The following COL23A1 variants were observed in gnomAD, a reference collection of about 807,000 sequenced individuals.
COL23A1 encodes the protein collagen type XXIII alpha 1 chain.
A neutral mutation model predicts 99.3 loss-of-function variants in COL23A1; 97 were observed. The ratio of observed to expected loss-of-function variants is 0.98; its 90% confidence interval spans 0.83 to 1.16. COL23A1 has a LOEUF of 1.16. Ranked by LOEUF, COL23A1 falls within the 50% of genes most tolerant of loss-of-function variation. COL23A1 has a pLI of 0.00. For missense variants in COL23A1, 762 were observed against 757.4 expected (o/e 1.01, Z -0.07); for synonymous variants, 320 against 308.2 (o/e 1.04, Z -0.40).
chr5:178,357,074 G>A (rs1011695101), intron 2 of COL23A1, among the ~76,000 whole-genome samples: 32 of 152,228 alleles, frequency 2.1e-4, no homozygotes, highest in Non-Finnish European at 4.3e-4. Context: ...AAAATGAACG[G>A]AGCTAAAGAT....
At chr5:178,297,122 C>T (rs991604605) in intron 3 of COL23A1, among the ~76,000 whole-genome samples, 2 of 152,246 alleles carry the variant, frequency 1.3e-5, no homozygotes, top group Admixed American at 1.3e-4. Flanking sequence ...CTGCCAGCTC[C>T]CTTCAGCCTT....
chr5:178,367,845 C>T (rs1762573724), intron 2 of COL23A1, among the ~76,000 whole-genome samples: 2 of 152,242 alleles, frequency 1.3e-5, no homozygotes, highest in Admixed American at 1.3e-4. Flanking sequence ...GTACGGGCTG[C>T]CACCCTTCAG....
At position 178,313,203 on chromosome 5, in the gene COL23A1, G is replaced by A. The variant is rs961196202; in HGVS notation, c.362-6284C>T. On this transcript the variant is annotated intron_variant, in intron 2 of 28. Transcript: ENST00000390654. This position sits in a 1 kb window ranked among gnomAD's most constrained non-coding sequence, Gnocchi z 4.2. Reference sequence around the variant, plus strand: ...ATCGGTGGGCTGGGCTAGGGGAGGCGAGACTGGGAAGTCGGTGGGCCCAGA... The same window carrying A: ...ATCGGTGGGCTGGGCTAGGGGAGGCAAGACTGGGAAGTCGGTGGGCCCAGA... Among the ~76,000 whole-genome samples the A allele has an allele frequency of 5.9e-5, 9 of 152,148 alleles. No homozygotes were observed. Among genetic ancestry groups the A allele is most frequent in the African/African-American group, 2.2e-4 (9 of 41,436 alleles).
chr5:178,518,895 C>T (rs1759774925), intron 2 of COL23A1, among the ~76,000 whole-genome samples: 1 of 149,098 alleles, frequency 6.7e-6, no homozygotes. Flanking sequence ...GACAGCTCCG[C>T]TGCCCGCTGA....
intron 2 of COL23A1, among the ~76,000 whole-genome samples, chr5:178,505,892 A>G (rs1758841275): frequency 6.6e-6 from 1 of 152,112 alleles, no homozygotes; most frequent in Non-Finnish European, 1.5e-5. Context: ...GTGAGGGTGC[A>G]AACACCTTCT....
chr5:178,408,343 A>G (rs538175685), intron 2 of COL23A1, among the ~76,000 whole-genome samples: 1 of 152,340 alleles, frequency 6.6e-6, no homozygotes, highest in South Asian at 2.1e-4. Context: ...ACTGGAAGGA[A>G]ATAATTAAAG....
intron 2 of COL23A1, among the ~76,000 whole-genome samples, chr5:178,372,678 C>A (rs1459367077): frequency 2.0e-5 from 3 of 151,914 alleles, no homozygotes; most frequent in Non-Finnish European, 2.9e-5. Flanking sequence ...CCTCAAGCCA[C>A]CCTCCCGTCT....
rs191988735 is a variant in COL23A1 at position 178,403,387 on chromosome 5, G to A, written c.362-96468C>T. Among the ~76,000 whole-genome samples the A allele has an allele frequency of 2.9e-3, 448 of 152,280 alleles. 2 individuals carry two copies. Among genetic ancestry groups the A allele is most frequent in the Middle Eastern group, 6.8e-3 (2 of 294 alleles). ...CACCTCATGCCTCCCTCAATATGGC[G>A]CTAAAATGCTACTTGCCCTTCCTTC... On this transcript the variant is annotated intron_variant, in intron 2 of 28. Transcript: ENST00000390654.
chr5:178,484,976 T>C (rs1388056666), intron 2 of COL23A1, among the ~76,000 whole-genome samples: 1 of 152,136 alleles, frequency 6.6e-6, no homozygotes, highest in African/African-American at 2.4e-5. Context: ...CCTAGCAAAG[T>C]GGGCATCCAA....
In COL23A1 at chr5:178,286,412, C is replaced by T. The variant is rs1481506142; in HGVS notation, c.441+1912G>A. Among the ~76,000 whole-genome samples, 2 of 152,184 alleles carry T rather than the reference C, an allele frequency of 1.3e-5. 1 individual carries two copies. The highest frequency in any genetic ancestry group is 4.8e-5 in the African/African-American group (2 of 41,450). ...TCTCCGTTCCCAGCCCCGACAGTCA[C>T]AGCGCCCCTTCTCCAGGCCAGGCCC... On this transcript the variant is annotated intron_variant, in intron 5 of 28. Coordinates refer to ENST00000390654, the MANE Select transcript of COL23A1 (RefSeq NM_173465.4).
At chr5:178,381,390 G>C (rs1377846357) in intron 2 of COL23A1, among the ~76,000 whole-genome samples, 1 of 152,228 alleles carries the variant, frequency 6.6e-6, no homozygotes, top group Non-Finnish European at 1.5e-5. Context: ...AGGCTGAGAA[G>C]TGCCACTCAG....
intron 2 of COL23A1, among the ~76,000 whole-genome samples, chr5:178,470,412 G>T (rs963578434): frequency 6.6e-6 from 1 of 152,186 alleles, no homozygotes; most frequent in Non-Finnish European, 1.5e-5. Flanking sequence ...GTTCCTCACT[G>T]GAAAGACTGC....
chr5:178,536,780 C>T (rs1000526237), intron 2 of COL23A1, among the ~76,000 whole-genome samples: 11 of 152,154 alleles, frequency 7.2e-5, no homozygotes, highest in Non-Finnish European at 1.5e-4. Context: ...AGAGGTTTCC[C>T]GGGGAGGTGG....
At chr5:178,492,225 T>C (rs115048746) in intron 2 of COL23A1, among the ~76,000 whole-genome samples, 2,948 of 152,302 alleles carry the variant, frequency 0.019, 38 homozygotes, top group Non-Finnish European at 0.03. Flanking sequence ...TGTTATGAAC[T>C]GTATTGTGTC....
intron 3 of COL23A1, among the ~76,000 whole-genome samples, chr5:178,292,074 A>C (rs1757489423): frequency 6.6e-6 from 1 of 152,036 alleles, no homozygotes; most frequent in Non-Finnish European, 1.5e-5. Flanking sequence ...CTGTGCCTGT[A>C]CCTGTGCCTG....
intron 2 of COL23A1, among the ~76,000 whole-genome samples, chr5:178,527,943 CT>C (rs1459565953): frequency 1.3e-5 from 2 of 152,254 alleles, no homozygotes; most frequent in African/African-American, 2.4e-5. Context: ...AAAAGGATGA[CT>C]TAAGTGTACA....
rs1043841716 is a variant in COL23A1, at chr5:178,254,353, A to G, written c.960+596T>C. 2.6e-5 allele frequency among the ~76,000 whole-genome samples: 4 copies of G among 152,100 alleles called. No homozygotes were observed. In the South Asian group the frequency reaches 6.2e-4, roughly 24 times the overall value. On this transcript the variant is annotated intron_variant, in intron 16 of 28. Coordinates refer to ENST00000390654, the MANE Select transcript of COL23A1 (RefSeq NM_173465.4). ...GTTACTGCCAACTTGTACTTCCCCA[A>G]AGCCTGTGGGAGATAACTGGAAATG... is the stretch of plus-strand genomic sequence containing the variant.
rs1369724503 is a variant in COL23A1 at position 178,377,237 on chromosome 5, G to A, written c.362-70318C>T. ...AACAGATCTTCTCCCGTAACGGGCTGGTGTTTCACATCTGTCAGACACAGA... is the reference window on the plus strand; with the variant it reads ...AACAGATCTTCTCCCGTAACGGGCTAGTGTTTCACATCTGTCAGACACAGA... On this transcript the variant is annotated intron_variant, in intron 2 of 28. Transcript: ENST00000390654. Among the ~76,000 whole-genome samples, 3 of 152,324 alleles carry A rather than the reference G, an allele frequency of 2.0e-5. No individual in the cohort carries two copies. The East Asian group carries it at 5.8e-4, about 29-fold the overall frequency.
intron 2 of COL23A1, among the ~76,000 whole-genome samples, chr5:178,484,661 A>G (rs889967540): frequency 6.6e-5 from 10 of 152,004 alleles, no homozygotes; most frequent in African/African-American, 2.4e-4. Flanking sequence ...GTCTCTAGTA[A>G]AAATACAAAA....
Sources: allele counts gnomAD v4.1 joint callset (sites outside exome capture counted in the v4.1 genomes callset), GRCh38; gene constraint gnomAD v4.1.1; non-coding constraint Gnocchi (gnomAD v3.1); transcripts MANE v1.5; gene names NCBI Gene and HGNC (gene_info 2026-07-23, HGNC 2026-07-21).